The following PRKN variants were observed in gnomAD, a reference collection of about 807,000 sequenced individuals.
PRKN encodes parkin RBR E3 ubiquitin protein ligase, also known as E3 ubiquitin-protein ligase parkin.
Under a neutral mutation model 59.5 loss-of-function variants are expected in PRKN, and 56 were observed. The observed-to-expected ratio is 0.94, with a 90% CI of 0.76 to 1.18. The LOEUF (loss-of-function observed/expected upper bound fraction) is 1.18, where lower values mean the gene tolerates loss of function less well. Among genes scored for constraint, PRKN ranks in the 50% most tolerant of loss-of-function variants. PRKN has a pLI of 0.00. For synonymous variants in PRKN, 250 were observed against 222.1 expected, an observed-to-expected ratio of 1.13 and a Z score of -1.12; for missense variants, 657 against 596.4, an observed-to-expected ratio of 1.10 and a Z score of -1.06.
intron 1 of PRKN, among the ~76,000 whole-genome samples, chr6:162,494,143 T>C (rs1036146833): frequency 6.6e-6 from 1 of 152,194 alleles, no homozygotes; most frequent in Non-Finnish European, 1.5e-5. Context: ...CCCATTGTGG[T>C]GCACTATAAA....
intron 5 of PRKN, among the ~76,000 whole-genome samples, chr6:161,984,339 C>G (rs1315803144): frequency 6.6e-6 from 1 of 152,164 alleles, no homozygotes; most frequent in Non-Finnish European, 1.5e-5. Flanking sequence ...CTCACCGCAA[C>G]CTCCGTCCCG....
intron 3 of PRKN, among the ~76,000 whole-genome samples, chr6:162,227,601 G>A (rs1302829081): frequency 1.3e-5 from 2 of 152,108 alleles, no homozygotes; most frequent in Admixed American, 6.6e-5. Context: ...TTCACTTTGT[G>A]CTTGACCTCT....
intron 7 of PRKN, among the ~76,000 whole-genome samples, chr6:161,571,881 T>C (rs1165517477): frequency 2.0e-5 from 3 of 152,126 alleles, no homozygotes; most frequent in Admixed American, 1.3e-4. Context: ...CAGAGAACGG[T>C]GAATGCTCTT....
Position 161,810,536 on chromosome 6 carries a change from C to A in PRKN, c.735-24628G>T, listed in dbSNP as rs564907926. ...GTCTAACGTTTCATCATTTTATACC[C>A]ATATACAAAAGCTTTTTTTCTGAAA... On this transcript the variant is annotated intron_variant, in intron 6 of 11. Coordinates refer to ENST00000366898, the MANE Select transcript of PRKN (RefSeq NM_004562.3). Among the ~76,000 whole-genome samples, 9 of 152,256 alleles carry A rather than the reference C, an allele frequency of 5.9e-5. No homozygotes were observed. In the South Asian group the frequency reaches 1.9e-3, roughly 32 times the overall value.
intron 5 of PRKN, among the ~76,000 whole-genome samples, chr6:161,999,441 G>A (rs934669622): frequency 5.3e-5 from 8 of 152,178 alleles, no homozygotes; most frequent in Admixed American, 2.0e-4. Context: ...AAATAAAAAC[G>A]TGTCTTGTAG....
chr6:161,564,327 G>T (rs2115466696), intron 8 of PRKN, among the ~76,000 whole-genome samples: 1 of 152,232 alleles, frequency 6.6e-6, no homozygotes, highest in South Asian at 2.1e-4. Context: ...CCTGACTCCT[G>T]TTCCATCTCT....
At chr6:162,670,939 G>C (rs575272730) in intron 1 of PRKN, among the ~76,000 whole-genome samples, 2 of 152,244 alleles carry the variant, frequency 1.3e-5, no homozygotes, top group South Asian at 2.1e-4. Context: ...GTTCTACTTT[G>C]ATAATGTTTA....
chr6:161,869,056 AAC>A (rs2128226247), intron 6 of PRKN, among the ~76,000 whole-genome samples: 1 of 152,352 alleles, frequency 6.6e-6, no homozygotes, highest in East Asian at 1.9e-4. Flanking sequence ...TCTAAAGCAG[AAC>A]ATGCTAAGAA....
intron 2 of PRKN, among the ~76,000 whole-genome samples, chr6:162,324,478 C>A (rs9458522): frequency 0.47 from 71,605 of 151,514 alleles, 17,489 homozygotes; most frequent in Middle Eastern, 0.54. Flanking sequence ...CCAAATTAAC[C>A]CAAAATTATT....
intron 1 of PRKN, among the ~76,000 whole-genome samples, chr6:162,615,478 G>T (rs1001616984): frequency 1.3e-5 from 2 of 151,848 alleles, no homozygotes; most frequent in African/African-American, 4.8e-5. Context: ...ACAGACCTAT[G>T]TACACCCTTG....
chr6:162,512,355 T>C (rs892020070), intron 1 of PRKN, among the ~76,000 whole-genome samples: 3 of 152,188 alleles, frequency 2.0e-5, no homozygotes, highest in Admixed American at 6.5e-5. Flanking sequence ...AGCATGAAGA[T>C]TGCTTGGTGC....
At chr6:161,829,957 C>G (rs902907979) in intron 6 of PRKN, among the ~76,000 whole-genome samples, 2 of 152,100 alleles carry the variant, frequency 1.3e-5, no homozygotes, top group African/African-American at 2.4e-5. Context: ...TCGCCAAGTC[C>G]GTAGCTTGGC....
At chr6:162,691,234 TTAGA>T (rs1334534728) in intron 1 of PRKN, among the ~76,000 whole-genome samples, 1 of 152,120 alleles carries the variant, frequency 6.6e-6, no homozygotes, top group Admixed American at 6.5e-5. Flanking sequence ...AGCATTTCAA[TTAGA>T]TAATTATAAA....
chr6:161,884,554 G>A (rs973409589), intron 6 of PRKN, among the ~76,000 whole-genome samples: 1 of 152,042 alleles, frequency 6.6e-6, no homozygotes, highest in African/African-American at 2.4e-5. Flanking sequence ...TTTGATGTAG[G>A]GCTCTATTTT....
intron 2 of PRKN, among the ~76,000 whole-genome samples, chr6:162,442,199 AT>A (rs1790089452): frequency 6.6e-6 from 1 of 152,182 alleles, no homozygotes. Flanking sequence ...TTCTGAGAGC[AT>A]TTTACAAAGC....
At chr6:161,506,198 T>A (rs1778163654) in intron 9 of PRKN, among the ~76,000 whole-genome samples, 1 of 151,978 alleles carries the variant, frequency 6.6e-6, no homozygotes. Context: ...CTCTTTAATT[T>A]CATTGAGCAG....
intron 5 of PRKN, among the ~76,000 whole-genome samples, chr6:161,993,982 C>A (rs1412486040): frequency 6.6e-6 from 1 of 152,138 alleles, no homozygotes; most frequent in East Asian, 1.9e-4. Flanking sequence ...TCATGAGGAA[C>A]TGCTCCCATG....
At chr6:161,609,626 C>A (rs1782415663) in intron 7 of PRKN, among the ~76,000 whole-genome samples, 1 of 152,162 alleles carries the variant, frequency 6.6e-6, no homozygotes, top group African/African-American at 2.4e-5. Context: ...TGAGCTGGGC[C>A]TGAGATGATA....
intron 7 of PRKN, among the ~76,000 whole-genome samples, chr6:161,682,956 A>G (rs1785424733): frequency 6.6e-6 from 1 of 152,184 alleles, no homozygotes; most frequent in African/African-American, 2.4e-5. Context: ...AGCTCACGGA[A>G]AGGACAACTG....
Sources: gnomAD v4.1 joint callset for allele counts (sites outside exome capture counted in the v4.1 genomes callset) on GRCh38, gnomAD v4.1.1 for gene constraint, MANE v1.5 for transcripts, NCBI Gene and HGNC (gene_info 2026-07-23, HGNC 2026-07-21) for gene names.